Variants in NELL1 observed in about 807,000 individuals in gnomAD.
NELL1 encodes neural EGFL like 1, also known as protein kinase C-binding protein NELL1.
NELL1 carries 76 observed loss-of-function variants against 107.4 expected under a neutral mutation model. That is an observed-to-expected ratio of 0.71 (90% CI 0.59 to 0.86). The LOEUF (loss-of-function observed/expected upper bound fraction) is 0.86. NELL1 is among the 40% of genes least tolerant of loss of function. NELL1 has a pLI of 0.00. For synonymous variants in NELL1, 353 were observed against 341.2 expected, an observed-to-expected ratio of 1.03 and a Z score of -0.38; for missense variants, 1,024 against 1,005.5, an observed-to-expected ratio of 1.02 and a Z score of -0.25.
intron 4 of NELL1, among the ~76,000 whole-genome samples, chr11:20,878,118 T>G (rs1849339277): frequency 6.6e-6 from 1 of 152,100 alleles, no homozygotes; most frequent in African/African-American, 2.4e-5. Context: ...CCCAGCACTT[T>G]GGGAGGCTGA....
intron 1 of NELL1, among the ~76,000 whole-genome samples, chr11:20,670,079 G>A (rs1211151999): frequency 6.6e-6 from 1 of 152,116 alleles, no homozygotes; most frequent in African/African-American, 2.4e-5. Flanking sequence ...TCCGTCCCAG[G>A]GAGTCGAAAC....
rs565290170 is a variant in NELL1, at chr11:21,282,387, C to T, written c.1549+52933C>T. On this transcript the variant is annotated intron_variant, in intron 14 of 19. Transcript: ENST00000357134. ...TAGAAACAGCGTTTAGGCTGAGGCA[C>T]GGGAATCGCTTGAGCTTGAGAGGTG... is the stretch of plus-strand genomic sequence containing the variant. Among the ~76,000 whole-genome samples, 81 of 147,702 alleles carry T rather than the reference C, an allele frequency of 5.5e-4. No homozygotes were observed. In the South Asian group the frequency reaches 8.9e-3, roughly 16 times the overall value.
intron 4 of NELL1, among the ~76,000 whole-genome samples, chr11:20,881,713 TG>T (rs887738890): frequency 1.3e-5 from 2 of 152,130 alleles, no homozygotes; most frequent in African/African-American, 4.8e-5. Context: ...AATTCTGTTT[TG>T]TTTTTTTTTT....
intron 12 of NELL1, among the ~76,000 whole-genome samples, chr11:21,064,757 T>A (rs79727905): frequency 0.03 from 4,526 of 152,272 alleles, 207 homozygotes; most frequent in African/African-American, 0.1. Context: ...ATGACCCATG[T>A]CATTTCATAT....
chr11:20,810,164 A>G (rs2134012140), intron 3 of NELL1, among the ~76,000 whole-genome samples: 1 of 151,364 alleles, frequency 6.6e-6, no homozygotes, highest in South Asian at 2.1e-4. Flanking sequence ...AGAAATGTCT[A>G]CTCAGGTCTT....
intron 15 of NELL1, among the ~76,000 whole-genome samples, chr11:21,449,385 C>G (rs574972646): frequency 3.6e-4 from 55 of 152,222 alleles, no homozygotes; most frequent in South Asian, 8.3e-4. Context: ...TCCTTTGCAA[C>G]TCTTCTCATT....
intron 12 of NELL1, among the ~76,000 whole-genome samples, chr11:20,965,181 A>G (rs1044679768): frequency 5.9e-4 from 90 of 152,290 alleles, no homozygotes; most frequent in African/African-American, 2.0e-3. Flanking sequence ...CACTGCTGCC[A>G]AGCAACAGAT....
intron 15 of NELL1, among the ~76,000 whole-genome samples, chr11:21,405,328 G>T (rs1261133328): frequency 6.6e-6 from 1 of 151,974 alleles, no homozygotes; most frequent in African/African-American, 2.4e-5. Flanking sequence ...GAATATAAGA[G>T]TATTTTGGCT....
chr11:21,342,002 T>A (rs1358911295), intron 14 of NELL1, among the ~76,000 whole-genome samples: 1 of 152,224 alleles, frequency 6.6e-6, no homozygotes, highest in African/African-American at 2.4e-5. Context: ...GATTTTTGCT[T>A]CCATAATATA....
intron 3 of NELL1, among the ~76,000 whole-genome samples, chr11:20,835,019 A>G (rs1417772636): frequency 2.0e-5 from 3 of 152,146 alleles, no homozygotes; most frequent in Non-Finnish European, 2.9e-5. Flanking sequence ...GTTTGTGTAC[A>G]TCGTCAGTGC....
At chr11:20,757,378 G>T (rs973854013) in intron 2 of NELL1, among the ~76,000 whole-genome samples, 1 of 152,060 alleles carries the variant, frequency 6.6e-6, no homozygotes, top group African/African-American at 2.4e-5. Context: ...CCCACCTTGG[G>T]TAAATTCCAC....
At chr11:20,937,320 GCCCACT>G (rs1453903012) in intron 9 of NELL1, among the ~76,000 whole-genome samples, 10 of 152,026 alleles carry the variant, frequency 6.6e-5, no homozygotes, top group Non-Finnish European at 1.3e-4. Flanking sequence ...TATTTCTCAC[GCCCACT>G]CCCATGATCA....
chr11:21,165,438 A>G (rs1005657311), intron 13 of NELL1, among the ~76,000 whole-genome samples: 1 of 152,194 alleles, frequency 6.6e-6, no homozygotes. Flanking sequence ...TGAATATCAA[A>G]TGAGCATTCC....
chr11:20,788,020 T>C (rs1857002824), intron 3 of NELL1, among the ~76,000 whole-genome samples: 2 of 126,046 alleles, frequency 1.6e-5, no homozygotes, highest in African/African-American at 5.0e-5. Flanking sequence ...TTCATTCATA[T>C]TGTAGCTTAT....
chr11:21,198,853 C>T (rs1857207913), intron 13 of NELL1, among the ~76,000 whole-genome samples: 1 of 152,074 alleles, frequency 6.6e-6, no homozygotes, highest in Admixed American at 6.6e-5. Context: ...CCCTTCTGAC[C>T]CTTCACCTGG....
At chr11:20,929,040 A>G (rs905089923) in intron 9 of NELL1, among the ~76,000 whole-genome samples, 1 of 152,060 alleles carries the variant, frequency 6.6e-6, no homozygotes, top group Non-Finnish European at 1.5e-5. Flanking sequence ...TCTCACAGCA[A>G]CTCTTTAGGG....
In NELL1 at chr11:21,302,377, G is replaced by A. The variant is rs897436894; in HGVS notation, c.1550-68476G>A. 3.9e-5 allele frequency among the ~76,000 whole-genome samples: 6 copies of A among 152,048 alleles called. No homozygotes were observed. The South Asian group carries it at 6.2e-4, about 16-fold the overall frequency. ...CAGAATTTCTTACTGAATGATAGAT[G>A]GATTCTGACAAGGAAGCTTCCAGAA... On this transcript the variant is annotated intron_variant, in intron 14 of 19. Transcript: ENST00000357134.
intron 3 of NELL1, among the ~76,000 whole-genome samples, chr11:20,784,894 A>T (rs988503293): frequency 1.3e-5 from 2 of 152,230 alleles, no homozygotes; most frequent in Non-Finnish European, 2.9e-5. Context: ...GAAGAATAAA[A>T]AAGAGTCAAT....
At chr11:21,255,789 A>C (rs1858753561) in intron 14 of NELL1, among the ~76,000 whole-genome samples, 1 of 152,046 alleles carries the variant, frequency 6.6e-6, no homozygotes, top group African/African-American at 2.4e-5. Flanking sequence ...CTACCTATCC[A>C]GATTCACTTT....
Sources: gnomAD v4.1 joint callset for allele counts (sites outside exome capture counted in the v4.1 genomes callset) on GRCh38, gnomAD v4.1.1 for gene constraint, MANE v1.5 for transcripts, NCBI Gene and HGNC (gene_info 2026-07-23, HGNC 2026-07-21) for gene names.